Variants in SH3RF3 observed in about 807,000 individuals in gnomAD.
SH3RF3 encodes the protein SH3 domain containing ring finger 3.
A neutral mutation model predicts 66.3 loss-of-function variants in SH3RF3; 29 were observed. The observed-to-expected ratio is 0.44, with a 90% confidence interval of 0.33 to 0.60. The LOEUF is 0.60. SH3RF3 is among the 20% of genes least tolerant of loss of function. The pLI is 0.04. For synonymous variants in SH3RF3, 583 were observed against 532.0 expected (o/e 1.10, Z -1.32); for missense variants, 1,194 against 1,190.9 (o/e 1.00, Z -0.04).
intron 1 of SH3RF3, among the ~76,000 whole-genome samples, chr2:109,142,260 C>T (rs1676972372): frequency 6.6e-6 from 1 of 152,204 alleles, no homozygotes; most frequent in South Asian, 2.1e-4. Flanking sequence ...CCCACCTCCC[C>T]ACCCACATCC....
At chr2:109,282,883 G>C (rs1188581805) in intron 1 of SH3RF3, among the ~76,000 whole-genome samples, 2 of 152,122 alleles carry the variant, frequency 1.3e-5, no homozygotes. Context: ...TGGGGAGTCT[G>C]ATGGCCCCTG....
rs1259169644 is a variant in SH3RF3, at chr2:109,175,158, G to T, written c.573+45045G>T. Among the ~76,000 whole-genome samples the T allele has an allele frequency of 2.0e-5, 3 of 152,232 alleles. No homozygotes were observed. In the East Asian group the frequency reaches 5.8e-4, roughly 29 times the overall value. On this transcript the variant is annotated intron_variant, in intron 1 of 9. Coordinates refer to ENST00000309415, the MANE Select transcript of SH3RF3 (RefSeq NM_001099289.3). ...CCCACTAAACCGGGACCTAGTCCTG[G>T]TCCAGACTAGAAATTGGAGTCCATC...
At chr2:109,273,384 A>AGG (rs1381877295) in intron 1 of SH3RF3, among the ~76,000 whole-genome samples, 1 of 152,150 alleles carries the variant, frequency 6.6e-6, no homozygotes, top group Non-Finnish European at 1.5e-5. Context: ...CGCATGGATG[A>AGG]GGGGGGAGGC....
chr2:109,340,966 G>A (rs1390877495), intron 1 of SH3RF3, among the ~76,000 whole-genome samples: 1 of 152,214 alleles, frequency 6.6e-6, no homozygotes, highest in Non-Finnish European at 1.5e-5. Context: ...AAATGCTACA[G>A]GCAGCTCTTA....
intron 8 of SH3RF3, among the ~76,000 whole-genome samples, chr2:109,488,122 C>T (rs141548244): frequency 7.5e-4 from 114 of 152,282 alleles, no homozygotes; most frequent in African/African-American, 2.5e-3. Context: ...TGGGCTCCGC[C>T]GGGACACCTG....
chr2:109,369,832 A>G (rs13416273), intron 2 of SH3RF3, among the ~76,000 whole-genome samples: 29,096 of 152,146 alleles, frequency 0.19, 3,580 homozygotes, highest in African/African-American at 0.35. Flanking sequence ...ATGATTTCTT[A>G]GACCCCACCA....
At chr2:109,275,781 A>T (rs1680742708) in intron 1 of SH3RF3, among the ~76,000 whole-genome samples, 1 of 152,178 alleles carries the variant, frequency 6.6e-6, no homozygotes, top group African/African-American at 2.4e-5. Flanking sequence ...ATGACAGTTT[A>T]TGAAGCGAGG....
chr2:109,471,758 C>T (rs1429584248), intron 8 of SH3RF3, among the ~76,000 whole-genome samples: 1 of 152,218 alleles, frequency 6.6e-6, no homozygotes, highest in Non-Finnish European at 1.5e-5. Flanking sequence ...GTCCCAAGAG[C>T]TTAGCCATAG....
At chr2:109,145,219 T>TC (rs1227035245) in intron 1 of SH3RF3, among the ~76,000 whole-genome samples, 1 of 151,992 alleles carries the variant, frequency 6.6e-6, no homozygotes, top group Non-Finnish European at 1.5e-5. Context: ...CCTGGCTGGG[T>TC]CCTTCCTGAC....
intron 1 of SH3RF3, among the ~76,000 whole-genome samples, chr2:109,312,547 G>T (rs1294171233): frequency 6.6e-6 from 1 of 152,034 alleles, no homozygotes. Context: ...CCTTCTTCCT[G>T]GCCCCAGGCC....
intron 2 of SH3RF3, among the ~76,000 whole-genome samples, chr2:109,351,331 G>T (rs947204027): frequency 1.3e-5 from 2 of 152,344 alleles, no homozygotes; most frequent in African/African-American, 4.8e-5. Flanking sequence ...TGGGCCAGGA[G>T]CACCTCGCCT....
chr2:109,366,343 GTAGT>G (rs1268690613), intron 2 of SH3RF3, among the ~76,000 whole-genome samples: 1 of 152,140 alleles, frequency 6.6e-6, no homozygotes, highest in Non-Finnish European at 1.5e-5. Flanking sequence ...ATGTCTCTGT[GTAGT>G]TAGTGAGGAA....
chr2:109,298,201 T>C (rs1426359819), intron 1 of SH3RF3, among the ~76,000 whole-genome samples: 2 of 151,766 alleles, frequency 1.3e-5, no homozygotes, highest in Admixed American at 1.3e-4. Context: ...AGTCACCAAA[T>C]AGATGCAGAG....
At chr2:109,173,291 A>G (rs775252386) in intron 1 of SH3RF3, among the ~76,000 whole-genome samples, 2 of 152,090 alleles carry the variant, frequency 1.3e-5, no homozygotes, top group Non-Finnish European at 2.9e-5. Flanking sequence ...GAGGCTCCTG[A>G]GCCTGCACTT....
At chr2:109,447,926 T>C (rs1041175288) in intron 7 of SH3RF3, among the ~76,000 whole-genome samples, 1 of 152,226 alleles carries the variant, frequency 6.6e-6, no homozygotes, top group African/African-American at 2.4e-5. Context: ...AGCCCGGTGC[T>C]TCGACATGCA....
chr2:109,333,534 A>G (rs946945955), intron 1 of SH3RF3, among the ~76,000 whole-genome samples: 1 of 152,212 alleles, frequency 6.6e-6, no homozygotes, highest in Non-Finnish European at 1.5e-5. Flanking sequence ...GTAAAGTTTT[A>G]TTGGAACACA....
At chr2:109,232,192 C>T (rs1377372278) in intron 1 of SH3RF3, among the ~76,000 whole-genome samples, 3 of 152,200 alleles carry the variant, frequency 2.0e-5, no homozygotes, top group Admixed American at 2.0e-4. Flanking sequence ...TAAGGAACTT[C>T]CAGGCTATTT....
chr2:109,159,018 G>A (rs1677419585), intron 1 of SH3RF3, among the ~76,000 whole-genome samples: 1 of 152,228 alleles, frequency 6.6e-6, no homozygotes, highest in South Asian at 2.1e-4. Context: ...TTGGGAGGCT[G>A]AGGCAGGAGA....
intron 8 of SH3RF3, among the ~76,000 whole-genome samples, chr2:109,459,022 C>G (rs548723704): frequency 6.6e-6 from 1 of 152,252 alleles, no homozygotes; most frequent in Admixed American, 6.5e-5. Context: ...AGTCATACTT[C>G]TGCCTAATAT....
Sources: allele counts gnomAD v4.1 joint callset (sites outside exome capture counted in the v4.1 genomes callset), GRCh38; gene constraint gnomAD v4.1.1; transcripts MANE v1.5; gene names NCBI Gene and HGNC (gene_info 2026-07-23, HGNC 2026-07-21).